The following C12orf42 variants were observed in gnomAD, a reference collection of about 807,000 sequenced individuals.
The protein encoded by C12orf42 is uncharacterized protein C12orf42.
In C12orf42, 25 loss-of-function variants were observed where a neutral mutation model predicts 21.6. The observed-to-expected ratio is 1.16, with a 90% CI of 0.84 to 1.62. The LOEUF (loss-of-function observed/expected upper bound fraction) is 1.62. C12orf42 is among the 40% of genes most tolerant of loss of function. The probability of loss-of-function intolerance (pLI) is 0.00; values close to 1 mark genes in which losing one functional copy is unlikely to be tolerated. For synonymous variants in C12orf42, 174 were observed against 175.0 expected, an observed-to-expected ratio of 0.99 and a Z score of 0.05; for missense variants, 483 against 459.3, an observed-to-expected ratio of 1.05 and a Z score of -0.47.
the C12orf42 span, among the ~76,000 whole-genome samples, chr12:103,070,428 C>A: frequency 6.6e-6 from 1 of 151,940 alleles, no homozygotes. Context: ...TTCATCTTTG[C>A]AATTCCATTT....
chr12:103,518,810 T>C, the C12orf42 span, among the ~76,000 whole-genome samples: 1 of 152,104 alleles, frequency 6.6e-6, no homozygotes, highest in Non-Finnish European at 1.5e-5. Flanking sequence ...ACATCCTACT[T>C]CCCATCTTTA....
At chr12:103,482,720 T>G (rs1180200811) in intron 1 of C12orf42, among the ~76,000 whole-genome samples, 1 of 152,146 alleles carries the variant, frequency 6.6e-6, no homozygotes, top group Non-Finnish European at 1.5e-5. Context: ...CTATTATCCT[T>G]ATGGAATTCT....
At chr12:103,160,655 C>T in the C12orf42 span, among the ~76,000 whole-genome samples, 5 of 152,184 alleles carry the variant, frequency 3.3e-5, no homozygotes, top group African/African-American at 4.8e-5. Flanking sequence ...AACAGTGCAA[C>T]ACCCCAATCC....
chr12:103,319,612 G>A (rs1289654652), intron 4 of C12orf42, among the ~76,000 whole-genome samples: 2 of 152,182 alleles, frequency 1.3e-5, no homozygotes, highest in Non-Finnish European at 2.9e-5. Flanking sequence ...TGATTAATTA[G>A]GTTTGTAAGT....
At chr12:103,239,783 T>C (rs2033644753) in intron 10 of C12orf42, among the ~76,000 whole-genome samples, 1 of 152,174 alleles carries the variant, frequency 6.6e-6, no homozygotes, top group African/African-American at 2.4e-5. Flanking sequence ...TAAACCATGT[T>C]GGTCTGGGGA....
At chr12:103,430,801 G>C (rs572442758) in intron 2 of C12orf42, among the ~76,000 whole-genome samples, 342 of 152,218 alleles carry the variant, frequency 2.2e-3, no homozygotes, top group Middle Eastern at 6.8e-3. Flanking sequence ...GAATGAGATT[G>C]TTTCCTTTGC....
intron 4 of C12orf42, chr12:103,367,960 G>A (rs558495255): frequency 7.0e-5 from 57 of 809,646 alleles, no homozygotes; most frequent in South Asian, 1.8e-4. Flanking sequence ...ATAAGTGAAT[G>A]AATAAACACA....
chr12:103,365,329 G>A (rs2044503506), intron 4 of C12orf42, among the ~76,000 whole-genome samples: 2 of 152,056 alleles, frequency 1.3e-5, no homozygotes, highest in South Asian at 2.1e-4. Flanking sequence ...ATGCCTCAAT[G>A]TAATAAAAGC....
At position 103,306,249 on chromosome 12, in the gene C12orf42, A is replaced by G; in HGVS notation, c.356T>C (p.Phe119Ser). ...GAATTCTTCATAGCTTTCTTCATCAAAAGAAACTGTGCTTACAGAACACCT... is the reference window on the plus strand; with the variant it reads ...GAATTCTTCATAGCTTTCTTCATCAGAAGAAACTGTGCTTACAGAACACCT... ...VPRCSVSTVSFDEESYEEFRS... is the reference protein window; with the variant it reads ...VPRCSVSTVSSDEESYEEFRS... Residue 119 changes from phenylalanine to serine, a missense_variant, in exon 5 of 6, where the codon TTT becomes TCT. Coordinates refer to ENST00000548883, the MANE Select transcript of C12orf42 (RefSeq NM_198521.5). The G allele has an allele frequency of 6.2e-7, 1 of 1,613,906 alleles. No individual in the cohort carries two copies. The highest frequency in any genetic ancestry group is 1.1e-5 in the South Asian group (1 of 91,070).
At chr12:103,265,647 C>T (rs1483478445), downstream of C12orf42, among the ~76,000 whole-genome samples, 1 of 152,094 alleles carries the variant, frequency 6.6e-6, no homozygotes, top group East Asian at 1.9e-4. Context: ...ATGTTCATGG[C>T]ATTAGCAGGA....
chr12:103,229,794 T>C, the C12orf42 span, among the ~76,000 whole-genome samples: 4 of 152,258 alleles, frequency 2.6e-5, no homozygotes, highest in African/African-American at 9.6e-5. Context: ...AACATAGTAT[T>C]CTAGGATTCA....
At chr12:103,518,349 A>C in the C12orf42 span, among the ~76,000 whole-genome samples, 3 of 152,202 alleles carry the variant, frequency 2.0e-5, no homozygotes, top group Admixed American at 2.0e-4. Context: ...TTCTCTAGTG[A>C]AATGTCACTA....
At chr12:103,089,909 A>C in the C12orf42 span, among the ~76,000 whole-genome samples, 1 of 152,186 alleles carries the variant, frequency 6.6e-6, no homozygotes, top group Non-Finnish European at 1.5e-5. Context: ...GTTACCTGGA[A>C]AACCTCCATT....
intron 1 of C12orf42, among the ~76,000 whole-genome samples, chr12:103,493,860 C>T (rs139626452): frequency 9.0e-4 from 137 of 152,048 alleles, no homozygotes; most frequent in African/African-American, 3.2e-3. Flanking sequence ...GTTATACACC[C>T]CTAAAGCAAA....
downstream of C12orf42, among the ~76,000 whole-genome samples, chr12:103,300,559 T>C (rs758121154): frequency 1.3e-5 from 2 of 152,262 alleles, no homozygotes; most frequent in African/African-American, 2.4e-5. Flanking sequence ...GGAATCCATC[T>C]ACTATATCAA....
At chr12:103,183,313 G>A in the C12orf42 span, among the ~76,000 whole-genome samples, 2 of 152,164 alleles carry the variant, frequency 1.3e-5, no homozygotes, top group Non-Finnish European at 2.9e-5. Context: ...ATCTCTTGAT[G>A]TCATGATCCA....
At chr12:103,151,530 G>A in the C12orf42 span, among the ~76,000 whole-genome samples, 11 of 152,156 alleles carry the variant, frequency 7.2e-5, no homozygotes, top group Non-Finnish European at 1.0e-4. Flanking sequence ...TTCAAGTATG[G>A]TAAAATGTCA....
At chr12:103,087,209 TC>T in the C12orf42 span, among the ~76,000 whole-genome samples, 1 of 152,206 alleles carries the variant, frequency 6.6e-6, no homozygotes, top group Non-Finnish European at 1.5e-5. Context: ...TTTCCTAAGA[TC>T]CTGACTGTCA....
At chr12:103,215,814 A>G in the C12orf42 span, among the ~76,000 whole-genome samples, 1 of 152,246 alleles carries the variant, frequency 6.6e-6, no homozygotes. Flanking sequence ...CTCAAAAGAG[A>G]AATAGAAATG....
Sources: gnomAD v4.1 joint callset for allele counts (sites outside exome capture counted in the v4.1 genomes callset) on GRCh38, gnomAD v4.1.1 for gene constraint, MANE v1.5 for transcripts, NCBI Gene and HGNC (gene_info 2026-07-23, HGNC 2026-07-21) for gene names.